Variants in SH3D19 observed in about 807,000 individuals in gnomAD.
SH3D19 encodes the protein SH3 domain-containing protein 19.
A neutral mutation model predicts 112.1 loss-of-function variants in SH3D19; 58 were observed. The ratio of observed to expected loss-of-function variants is 0.52; its 90% CI spans 0.42 to 0.64. The LOEUF is 0.64. Ranked by LOEUF, SH3D19 falls within the 30% of genes least tolerant of loss-of-function variation. SH3D19 has a pLI of 0.00. For missense variants in SH3D19, 1,090 were observed against 1,263.4 expected (o/e 0.86, Z 2.08); for synonymous variants, 391 against 448.5 (o/e 0.87, Z 1.62).
At chr4:151,188,508 A>G (rs1398347651) in intron 2 of SH3D19, among the ~76,000 whole-genome samples, 1 of 152,246 alleles carries the variant, frequency 6.6e-6, no homozygotes, top group Non-Finnish European at 1.5e-5. Context: ...GAAATCTGAA[A>G]TGATATAATG....
Position 151,175,293 on chromosome 4 carries a change from G to C in SH3D19, c.911C>G (p.Thr304Arg), listed in dbSNP as rs901094871. The C allele has an allele frequency of 1.2e-6, 2 of 1,614,050 alleles. No homozygotes were observed. Among genetic ancestry groups the C allele is most frequent in the Non-Finnish European group, 1.7e-6 (2 of 1,180,030 alleles). Reference sequence around the variant, plus strand: ...GGGCAGTCCTGAGGTTTCTATGTTTGTCTGACCCTCAAACACTTTAATTCT... The same window carrying C: ...GGGCAGTCCTGAGGTTTCTATGTTTCTCTGACCCTCAAACACTTTAATTCT... ...VSRIKVFEGQTNIETSGLPKK... is the reference protein window; with the variant it reads ...VSRIKVFEGQRNIETSGLPKK... Residue 304 changes from threonine to arginine, a missense_variant, in exon 7 of 20, where the codon ACA (threonine) becomes AGA (arginine). Coordinates refer to ENST00000604030, the MANE Select transcript of SH3D19 (RefSeq NM_001378122.1).
rs569444631 is a variant in SH3D19 at position 151,325,587 on chromosome 4, C to G, written c.-235G>C. Reference sequence around the variant, plus strand: ...GATTCCCCGCCTCCTTGCGGCGTCCCGGCGGCCTCTTAATCCCTGGCCTTT... The same window carrying G: ...GATTCCCCGCCTCCTTGCGGCGTCCGGGCGGCCTCTTAATCCCTGGCCTTT... On this transcript the variant is annotated 5_prime_UTR_variant, in exon 1 of 20. Transcript: ENST00000604030. 249 of 263,786 alleles carry G rather than the reference C, an allele frequency of 9.4e-4. No individual in the cohort carries two copies. Among genetic ancestry groups the G allele is most frequent in the Non-Finnish European group, 1.4e-3 (200 of 141,106 alleles). 16.3% of individuals were successfully genotyped at this position (263,786 alleles called of 1,614,324 possible).
At chr4:151,319,075 A>G (rs1730287228) in intron 1 of SH3D19, among the ~76,000 whole-genome samples, 1 of 152,146 alleles carries the variant, frequency 6.6e-6, no homozygotes, top group Admixed American at 6.5e-5. Flanking sequence ...TTTGAGACAG[A>G]GTTTCACTCT....
At chr4:151,244,835 G>A (rs1416307711) in intron 1 of SH3D19, among the ~76,000 whole-genome samples, 4 of 152,218 alleles carry the variant, frequency 2.6e-5, no homozygotes, top group African/African-American at 9.6e-5. Context: ...TTTCTCTGTT[G>A]TAGAGAATTC....
chr4:151,185,271 A>G (rs533543948), intron 3 of SH3D19, among the ~76,000 whole-genome samples: 162 of 152,156 alleles, frequency 1.1e-3, no homozygotes, highest in Admixed American at 2.9e-3. Context: ...CTTTCACAGC[A>G]GGGCTGGGTT....
At chr4:151,287,783 G>A (rs555767424) in intron 1 of SH3D19, among the ~76,000 whole-genome samples, 7 of 152,280 alleles carry the variant, frequency 4.6e-5, no homozygotes, top group Non-Finnish European at 7.4e-5. Context: ...GGTAGGCTGC[G>A]GTGGGATGAT....
chr4:151,280,562 T>C (rs560180721), intron 1 of SH3D19, among the ~76,000 whole-genome samples: 16 of 152,224 alleles, frequency 1.1e-4, no homozygotes, highest in Non-Finnish European at 1.8e-4. Flanking sequence ...TAACTTATTA[T>C]GCAACAATTG....
At chr4:151,207,489 A>G (rs1765286726) in intron 2 of SH3D19, among the ~76,000 whole-genome samples, 2 of 152,360 alleles carry the variant, frequency 1.3e-5, no homozygotes, top group Middle Eastern at 6.8e-3. Context: ...GAGCTTCCCT[A>G]AAGGAAGTTG....
chr4:151,126,654 CT>C (rs1749406330), intron 19 of SH3D19, among the ~76,000 whole-genome samples: 1 of 151,260 alleles, frequency 6.6e-6, no homozygotes, highest in African/African-American at 2.4e-5. Flanking sequence ...AAAAAATTAG[CT>C]GGGCATGGTG....
chr4:151,282,641 A>G (rs1356717331), intron 1 of SH3D19, among the ~76,000 whole-genome samples: 1 of 152,228 alleles, frequency 6.6e-6, no homozygotes, highest in Non-Finnish European at 1.5e-5. Context: ...AAGAGCAGAT[A>G]CTAACAATTT....
rs956897692 is a variant in SH3D19, at chr4:151,139,920, A to AT, written c.2224-74dup. On this transcript the variant is annotated intron_variant, in intron 12 of 19. Transcript: ENST00000604030. ...GGATTTATTATTCACTCTGAGACCA[A>AT]TTTTTTTTTTCTCATTAGAGTCCTC... The AT allele has an allele frequency of 7.6e-3, 9,466 of 1,249,386 alleles. 1 individual carries two copies. The highest frequency in any genetic ancestry group is 8.4e-3 in the Non-Finnish European group (7,541 of 895,434). The allele number at this position is 1,249,386 out of a possible 1,614,324, so 77.4% of individuals were successfully genotyped here. A position where few individuals can be genotyped will look rare whatever the true frequency, so the allele number is the denominator to read the frequency against.
chr4:151,244,549 GA>G (rs1336305998), intron 1 of SH3D19, among the ~76,000 whole-genome samples: 11 of 152,166 alleles, frequency 7.2e-5, no homozygotes, highest in Non-Finnish European at 1.5e-4. Context: ...TTCGAACTGA[GA>G]TTTAAATGTA....
intron 2 of SH3D19, among the ~76,000 whole-genome samples, chr4:151,193,858 A>G (rs1763008852): frequency 6.6e-6 from 1 of 152,196 alleles, no homozygotes; most frequent in Non-Finnish European, 1.5e-5. Context: ...GGAACCAAGG[A>G]ATTAATAACC....
chr4:151,261,615 C>T (rs116621595), intron 1 of SH3D19: 1 of 152,212 alleles, frequency 6.6e-6, no homozygotes, highest in Non-Finnish European at 1.5e-5. Flanking sequence ...TCTATCCTAG[C>T]CCTAGAGCAC....
At chr4:151,217,689 T>A (rs1447073157) in intron 2 of SH3D19, among the ~76,000 whole-genome samples, 1 of 151,984 alleles carries the variant, frequency 6.6e-6, no homozygotes, top group Non-Finnish European at 1.5e-5. Flanking sequence ...ACAATAAAGG[T>A]TTTCCTACAC....
At chr4:151,302,737 C>T (rs948881031) in intron 1 of SH3D19, among the ~76,000 whole-genome samples, 7 of 152,098 alleles carry the variant, frequency 4.6e-5, no homozygotes, top group African/African-American at 7.2e-5. Flanking sequence ...GGTCATATAG[C>T]GGGCTAGTGG....
At position 151,226,083 on chromosome 4, in the gene SH3D19, C is replaced by A. The variant is rs371652018; in HGVS notation, c.116G>T (p.Arg39Leu). 8 of 1,231,454 alleles carry A rather than the reference C, an allele frequency of 6.5e-6. No homozygotes were observed. The African/African-American group carries it at 1.2e-4, about 19-fold the overall frequency. The allele number at this position is 1,231,454 out of a possible 1,614,324, so 76.3% of individuals were successfully genotyped here. Residue 39 changes from arginine to leucine, a missense_variant, in exon 2 of 20, where the codon CGC (arginine) becomes CTC (leucine). Arg to Leu is a moderately radical substitution (Grantham distance 102, BLOSUM62 -2). Transcript: ENST00000604030. ...RALSGHSAADRNERNKPEHRS... is the reference protein window; with the variant it reads ...RALSGHSAADLNERNKPEHRS... ...ATGTTCTGGTTTATTTCGTTCGTTGCGATCTGTAGAGAAAGAAGATGGTTA... is the reference window on the plus strand; with the variant it reads ...ATGTTCTGGTTTATTTCGTTCGTTGAGATCTGTAGAGAAAGAAGATGGTTA...
At chr4:151,168,938 G>A (rs1430072905) in intron 7 of SH3D19, among the ~76,000 whole-genome samples, 1 of 151,622 alleles carries the variant, frequency 6.6e-6, no homozygotes, top group Non-Finnish European at 1.5e-5. Context: ...TGAGGGCATG[G>A]ATGGGGGTAG....
chr4:151,150,209 A>ATG (rs1754715374), intron 9 of SH3D19, among the ~76,000 whole-genome samples: 1 of 40,894 alleles, frequency 2.4e-5, no homozygotes, highest in Non-Finnish European at 6.3e-5. Context: ...AAAAAAAAAT[A>ATG]TATATATATA....
Sources: gnomAD v4.1 joint callset for allele counts (sites outside exome capture counted in the v4.1 genomes callset) on GRCh38, gnomAD v4.1.1 for gene constraint, MANE v1.5 for transcripts, NCBI Gene and HGNC (gene_info 2026-07-23, HGNC 2026-07-21) for gene names.